SNRPN: variants seen among roughly 807,000 people sequenced by gnomAD.
The protein encoded by SNRPN is small nuclear ribonucleoprotein-associated protein N.
SNRPN carries 7 observed loss-of-function variants against 25.2 expected under a neutral mutation model. That is an observed-to-expected ratio of 0.28 (90% confidence interval 0.16 to 0.52). The LOEUF (loss-of-function observed/expected upper bound fraction) is 0.52. Ranked by LOEUF, SNRPN falls within the 20% of genes least tolerant of loss-of-function variation. The pLI, the probability that SNRPN is intolerant of heterozygous loss-of-function variation, is 0.96. For synonymous variants in SNRPN, 124 were observed against 110.6 expected (o/e 1.12, Z -0.76); for missense variants, 196 against 322.5 (o/e 0.61, Z 3.00).
chr15:24,948,522 T>G (rs1203452652), intron 3 of SNRPN, among the ~76,000 whole-genome samples: 2 of 152,142 alleles, frequency 1.3e-5, no homozygotes, highest in Non-Finnish European at 2.9e-5. Context: ...GTACCAATAT[T>G]GGTACATTTT....
chr15:24,838,739 A>G (rs1439486022), intron 2 of SNRPN, among the ~76,000 whole-genome samples: 11 of 152,038 alleles, frequency 7.2e-5, no homozygotes, highest in Admixed American at 7.2e-4. Flanking sequence ...GACATGTCCT[A>G]TATAAACTTG....
At chr15:24,835,054 AAAT>A (rs377138973) in intron 2 of SNRPN, among the ~76,000 whole-genome samples, 3,513 of 33,612 alleles carry the variant, frequency 0.1, 79 homozygotes, top group East Asian at 0.18. Flanking sequence ...CTATATATAA[AAAT>A]ATAGATATAT....
chr15:24,902,871 T>C (rs1377874998), intron 2 of SNRPN, among the ~76,000 whole-genome samples: 2 of 152,150 alleles, frequency 1.3e-5, no homozygotes, highest in African/African-American at 2.4e-5. Context: ...AAAAGAACAA[T>C]GCTTCCACAG....
intron 3 of SNRPN, among the ~76,000 whole-genome samples, chr15:24,927,621 A>G (rs1007635468): frequency 6.6e-6 from 1 of 151,628 alleles, no homozygotes; most frequent in African/African-American, 2.4e-5. Flanking sequence ...ATATTAATTC[A>G]GGAAATATAA....
At chr15:24,900,401 A>G (rs1357480387) in intron 2 of SNRPN, among the ~76,000 whole-genome samples, 1 of 152,226 alleles carries the variant, frequency 6.6e-6, no homozygotes, top group Non-Finnish European at 1.5e-5. Flanking sequence ...GTTTAGACTC[A>G]GTTGAAACTG....
At chr15:24,954,638 G>A (rs2062546071), upstream of SNRPN, among the ~76,000 whole-genome samples, 1 of 152,240 alleles carries the variant, frequency 6.6e-6, no homozygotes, top group South Asian at 2.1e-4. Flanking sequence ...CACATAGGAA[G>A]ACCTGAGGGT....
chr15:24,850,039 C>T (rs959202617), intron 2 of SNRPN: 2 of 152,172 alleles, frequency 1.3e-5, no homozygotes, highest in African/African-American at 4.8e-5. Flanking sequence ...GTGGCATGAA[C>T]AGAGATGGTA....
intron 2 of SNRPN, among the ~76,000 whole-genome samples, chr15:24,837,008 C>G (rs2051255955): frequency 6.6e-6 from 1 of 152,016 alleles, no homozygotes; most frequent in Non-Finnish European, 1.5e-5. Context: ...ACCTTTCTCC[C>G]TCTGGAGTTT....
At chr15:24,975,657 T>G (rs555824890) in intron 5 of SNRPN, 148 bp downstream of exon 5, 1 of 655,126 alleles carries the variant, frequency 1.5e-6, no homozygotes, top group South Asian at 2.1e-5. Flanking sequence ...TGACCTGATC[T>G]CTGAATTAGG....
rs936750031 is a variant in SNRPN, at chr15:24,974,694, C to T, written c.3+238C>T. 2.8e-5 allele frequency: 17 copies of T among 611,986 alleles called. 1 individual carries two copies. Among genetic ancestry groups the T allele is most frequent in the Admixed American group, 2.3e-4 (8 of 34,978 alleles). The allele number at this position is 611,986 out of a possible 1,614,324, so 37.9% of individuals were successfully genotyped here. A position where few individuals can be genotyped will look rare whatever the true frequency, so the allele number is the denominator to read the frequency against. On this transcript the variant is annotated intron_variant, in intron 4 of 9. Coordinates refer to ENST00000390687, the MANE Select transcript of SNRPN (RefSeq NM_003097.6). ...GGAGTGCAGTGGTGCGGTCTTGGCT[C>T]ACTGCAACCCTGGGTTCAAGAGATT...
intron 2 of SNRPN, among the ~76,000 whole-genome samples, chr15:24,889,800 A>G (rs2057512306): frequency 6.6e-6 from 1 of 151,654 alleles, no homozygotes; most frequent in African/African-American, 2.4e-5. Context: ...CTGTAATCTC[A>G]GCACTTTGGG....
In SNRPN at chr15:24,927,475, AAT is replaced by A. The variant is rs1566921456; in HGVS notation, c.-391+7352_-391+7353del. Among the ~76,000 whole-genome samples the A allele has an allele frequency of 3.0e-3, 344 of 113,176 alleles. 41 individuals are homozygous for A. Among genetic ancestry groups the A allele is most frequent in the South Asian group, 3.5e-3 (12 of 3,426 alleles). 74.2% of individuals were successfully genotyped at this position (113,176 alleles called of 152,430 possible). A position where few individuals can be genotyped will look rare whatever the true frequency, so the allele number is the denominator to read the frequency against. ...TTTCCCACTGCTTATAAAGTTTTTA[AAT>A]TTTTTTTTTTTTTTTTTTTTTTTTT... On this transcript the variant is annotated intron_variant, in intron 3 of 11. Coordinates refer to the SNRPN transcript ENST00000400097.
rs2055347368 is a variant in SNRPN, at chr15:24,872,930, T to A, written c.-578-13586T>A. Among the ~76,000 whole-genome samples, 3 of 120,028 alleles carry A rather than the reference T, an allele frequency of 2.5e-5. 1 individual carries two copies. In the South Asian group the frequency reaches 9.0e-4, roughly 36 times the overall value. 78.7% of individuals were successfully genotyped at this position (120,028 alleles called of 152,430 possible). ...CTCATTGAATTGCCTTGGCAACTTTTGCAATCCATAGACCATAAATGTCAG... is the reference window on the plus strand; with the variant it reads ...CTCATTGAATTGCCTTGGCAACTTTAGCAATCCATAGACCATAAATGTCAG... On this transcript the variant is annotated intron_variant, in intron 1 of 11. Coordinates refer to the SNRPN transcript ENST00000400097.
chr15:24,907,691 C>T (rs1445985593), intron 2 of SNRPN, among the ~76,000 whole-genome samples: 1 of 152,032 alleles, frequency 6.6e-6, no homozygotes, highest in Non-Finnish European at 1.5e-5. Context: ...AGTGATCCTC[C>T]CACCTCGGCC....
intron 1 of SNRPN, among the ~76,000 whole-genome samples, chr15:24,882,849 G>GTGAGT: frequency 7.2e-6 from 1 of 138,388 alleles, no homozygotes; most frequent in Admixed American, 7.9e-5. Flanking sequence ...TATATATATA[G>GTGAGT]TGAGTTGAAA....
In SNRPN at chr15:24,828,350, G is replaced by A. The variant is rs184277732; in HGVS notation, c.-686-1448G>A. 1.9e-3 allele frequency among the ~76,000 whole-genome samples: 296 copies of A among 152,214 alleles called. 6 individuals are homozygous for A. The highest frequency in any genetic ancestry group is 6.9e-3 in the African/African-American group (287 of 41,472). ...AATGCAGGTGATCTTACCTGAAGGT[G>A]ACAACAGAAGATTTTATTACAAGAT... On this transcript the variant is annotated intron_variant, in intron 1 of 12. Coordinates refer to the SNRPN transcript ENST00000400100.
At chr15:24,853,870 C>G (rs2053128120), upstream of SNRPN, among the ~76,000 whole-genome samples, 1 of 152,124 alleles carries the variant, frequency 6.6e-6, no homozygotes. Flanking sequence ...CTGTGTTGTA[C>G]TTTTGAAAAG....
At position 24,978,066 on chromosome 15, in the gene SNRPN, T is replaced by G. The variant is rs2077267029; in HGVS notation, c.560-127T>G. 6.7e-6 allele frequency: 8 copies of G among 1,193,628 alleles called. No homozygotes were observed. The South Asian group carries it at 1.2e-4, about 17-fold the overall frequency. The allele number at this position is 1,193,628 out of a possible 1,614,324, so 73.9% of individuals were successfully genotyped here. On this transcript the variant is annotated intron_variant, in intron 8 of 9. Coordinates refer to ENST00000390687, the MANE Select transcript of SNRPN (RefSeq NM_003097.6). ...TTAATGAAAGACATAGAAGAGTAAT[T>G]GTCATATAGAAGTTATTTGACTCTA... is the stretch of plus-strand genomic sequence containing the variant.
At chr15:24,971,142 T>G (rs914413375) in intron 3 of SNRPN, among the ~76,000 whole-genome samples, 10 of 152,216 alleles carry the variant, frequency 6.6e-5, no homozygotes, top group Non-Finnish European at 1.5e-5. Flanking sequence ...TGTAGTTTAA[T>G]CATTTGAAAG....
Sources: gnomAD v4.1 joint callset for allele counts (sites outside exome capture counted in the v4.1 genomes callset) on GRCh38, gnomAD v4.1.1 for gene constraint, MANE v1.5 for transcripts, NCBI Gene and HGNC (gene_info 2026-07-23, HGNC 2026-07-21) for gene names.